Variants in HMGN2 observed in about 807,000 individuals in gnomAD.
The protein encoded by HMGN2 is non-histone chromosomal protein HMG-17.
HMGN2 carries 2 observed loss-of-function variants against 16.9 expected under a neutral mutation model. That is an observed-to-expected ratio of 0.12 (90% CI 0.05 to 0.37). The LOEUF is 0.37. Ranked by LOEUF, HMGN2 falls within the 10% of genes least tolerant of loss-of-function variation. The pLI is 1.00. For missense variants in HMGN2, 90 were observed against 106.0 expected, an observed-to-expected ratio of 0.85 and a Z score of 0.66; for synonymous variants, 31 against 34.9, an observed-to-expected ratio of 0.89 and a Z score of 0.39.
chr1:26,476,280 A>C lies in HMGN2; in HGVS notation c.*1132A>C, dbSNP rs1368108258. 1.3e-5 allele frequency among the ~76,000 whole-genome samples: 2 copies of C among 152,152 alleles called. No individual in the cohort carries two copies. Among genetic ancestry groups the C allele is most frequent in the Middle Eastern group, 3.2e-3 (1 of 316 alleles). On this transcript the variant is annotated 3_prime_UTR_variant, in exon 6 of 6. Transcript: ENST00000361427. ...TGTATTAAATGCAGATTTTTGGTAG[A>C]TCTGCGGTTTTGGCTGGGTAGCTGA...
chr1:26,473,671 C>T (rs369068206), intron 2 of HMGN2, 32 bp from the exon 3 acceptor site: 3 of 1,612,168 alleles, frequency 1.9e-6, no homozygotes, highest in Admixed American at 1.7e-5. Flanking sequence ...ACTTACCTGT[C>T]CTATTTCTAA....
rs1213879041 is a variant in HMGN2 at position 26,472,537 on chromosome 1, C to G, written c.-76C>G. 5 of 1,526,534 alleles carry G rather than the reference C, an allele frequency of 3.3e-6. No homozygotes were observed. In the East Asian group the frequency reaches 7.4e-5, roughly 22 times the overall value. The allele number at this position is 1,526,534 out of a possible 1,614,324, so 94.6% of individuals were successfully genotyped here. ...TGTGAAGAAGAGGCGAGAACGACCC[C>G]CGGACCGACCAAAGCCCGCGCGCCG... On this transcript the variant is annotated 5_prime_UTR_variant, in exon 1 of 6. Transcript: ENST00000361427.
chr1:26,473,829 G>C lies in HMGN2; in HGVS notation c.90+97G>C, dbSNP rs1350152270. The C allele has an allele frequency of 2.1e-5, 27 of 1,281,802 alleles. No individual in the cohort carries two copies. In the Admixed American group the frequency reaches 2.5e-4, roughly 12 times the overall value. 79.4% of individuals were successfully genotyped at this position (1,281,802 alleles called of 1,614,324 possible). A position where few individuals can be genotyped will look rare whatever the true frequency, so the allele number is the denominator to read the frequency against. On this transcript the variant is annotated intron_variant, in intron 3 of 5. Coordinates refer to ENST00000361427, the MANE Select transcript of HMGN2 (RefSeq NM_005517.4). Reference sequence around the variant, plus strand: ...TTCCATGAATTATGGTTAGTGCCTGGTTTTGAATCATTGCCTCTACTTGGG... The same window carrying C: ...TTCCATGAATTATGGTTAGTGCCTGCTTTTGAATCATTGCCTCTACTTGGG...
Position 26,476,034 on chromosome 1 carries a change from G to A in HMGN2, c.*886G>A. 1 of 270,982 alleles carries A rather than the reference G, an allele frequency of 3.7e-6. No individual in the cohort carries two copies. Among genetic ancestry groups the A allele is most frequent in the South Asian group, 3.5e-5 (1 of 28,866 alleles). The allele number at this position is 270,982 out of a possible 1,614,324, so 16.8% of individuals were successfully genotyped here. On this transcript the variant is annotated 3_prime_UTR_variant, in exon 6 of 6. Coordinates refer to ENST00000361427, the MANE Select transcript of HMGN2 (RefSeq NM_005517.4). Reference sequence around the variant, plus strand: ...TGGTTTATCCAAGTCTCTTGGAACAGGGTACGTTCTGCTTTGAGGTACTCC... The same window carrying A: ...TGGTTTATCCAAGTCTCTTGGAACAAGGTACGTTCTGCTTTGAGGTACTCC...
rs564166439 is a variant in HMGN2, at chr1:26,475,882, G to A, written c.*734G>A. ...GGGAGTTTGAAAGTTGTTGTATACT[G>A]TTAACGATTGTCTGCCCATGTCCTG... On this transcript the variant is annotated 3_prime_UTR_variant, in exon 6 of 6. Coordinates refer to ENST00000361427, the MANE Select transcript of HMGN2 (RefSeq NM_005517.4). The A allele has an allele frequency of 9.1e-4, 236 of 258,222 alleles. 4 individuals carry two copies. The highest frequency in any genetic ancestry group is 3.0e-3 in the Middle Eastern group (2 of 668). 16.0% of individuals were successfully genotyped at this position (258,222 alleles called of 1,614,324 possible). A position where few individuals can be genotyped will look rare whatever the true frequency, so the allele number is the denominator to read the frequency against.
rs2075599332 is a variant in HMGN2, at chr1:26,475,114, C to T, written c.239C>T (p.Ala80Val). The T allele has an allele frequency of 6.2e-7, 1 of 1,610,318 alleles. No individual in the cohort carries two copies. The highest frequency in any genetic ancestry group is 8.5e-7 in the Non-Finnish European group (1 of 1,177,050). ...AENGDAKTDQ[A>V]QKAEGAGDAK ...ATTAATTTGTCTGTTTTCTTTTAGG[C>T]ACAGAAAGCTGAAGGTGCTGGAGAT... is the stretch of plus-strand genomic sequence containing the variant. The change falls in exon 6 of 6, where the codon GCA (alanine) becomes GTA (valine). Residue 80 changes from alanine (A) to valine (V), a missense_variant and splice_region_variant. Physicochemically the swap from Ala to Val is moderately conservative, Grantham distance 64 (BLOSUM62 0). Transcript: ENST00000361427.
At chr1:26,472,716 C>T in intron 1 of HMGN2, 89 bp downstream of exon 1, 2 of 1,226,892 alleles carry the variant, frequency 1.6e-6, no homozygotes, top group Middle Eastern at 2.8e-4. Context: ...GAATCGGCGC[C>T]GAGCAGGAGC....
intron 4 of HMGN2, 104 bp downstream of exon 4, chr1:26,474,239 C>A: frequency 1.2e-6 from 1 of 807,774 alleles, no homozygotes; most frequent in Non-Finnish European, 2.0e-6. Context: ...AGGTTATAAA[C>A]TGTGTGGATA....
intron 3 of HMGN2, 131 bp from the exon 4 acceptor site, chr1:26,473,954 A>C: frequency 2.4e-6 from 2 of 837,526 alleles, no homozygotes; most frequent in South Asian, 3.4e-5. Flanking sequence ...TTCTAGAAGA[A>C]AGCCAACCAC....
chr1:26,472,539 G>T lies in HMGN2; in HGVS notation c.-74G>T. 2 of 1,527,188 alleles carry T rather than the reference G, an allele frequency of 1.3e-6. No individual in the cohort carries two copies. Among genetic ancestry groups the T allele is most frequent in the Middle Eastern group, 2.3e-4 (1 of 4,388 alleles). 94.6% of individuals were successfully genotyped at this position (1,527,188 alleles called of 1,614,324 possible). A position where few individuals can be genotyped will look rare whatever the true frequency, so the allele number is the denominator to read the frequency against. On this transcript the variant is annotated 5_prime_UTR_variant, in exon 1 of 6. Transcript: ENST00000361427. The stretch of plus-strand genomic sequence containing the variant: ...TGAAGAAGAGGCGAGAACGACCCCC[G>T]GACCGACCAAAGCCCGCGCGCCGCT...
In HMGN2 at chr1:26,472,666, GCCGCCA is replaced by G. The variant is rs750887593; in HGVS notation, c.15+45_15+50del. On this transcript the variant is annotated intron_variant, in intron 1 of 5. Coordinates refer to ENST00000361427, the MANE Select transcript of HMGN2 (RefSeq NM_005517.4). ...GGGCCCCAGGCGCCGGGCCACCACTGCCGCCACCGCCGCCGCCGCCTCCCTGGTGCA... is the reference window on the plus strand; with the variant it reads ...GGGCCCCAGGCGCCGGGCCACCACTGCCGCCGCCGCCGCCTCCCTGGTGCA... 3 of 1,483,752 alleles carry G rather than the reference GCCGCCA, an allele frequency of 2.0e-6. No homozygotes were observed. In the East Asian group the frequency reaches 7.5e-5, roughly 37 times the overall value. The allele number at this position is 1,483,752 out of a possible 1,614,324, so 91.9% of individuals were successfully genotyped here. A position where few individuals can be genotyped will look rare whatever the true frequency, so the allele number is the denominator to read the frequency against.
At chr1:26,473,370 C>G in intron 1 of HMGN2, 113 bp from the exon 2 acceptor site, 1 of 767,380 alleles carries the variant, frequency 1.3e-6, no homozygotes, top group South Asian at 1.6e-5. Flanking sequence ...CATTTATGTC[C>G]TAGAAAAGTT....
Position 26,472,607 on chromosome 1 carries a change from G to T in HMGN2, c.-6G>T. On this transcript the variant is annotated 5_prime_UTR_variant, in exon 1 of 6. Transcript: ENST00000361427. ...CCTACGTCCCGCTGCCGTCGCCGCCGCCACCATGCCCAAGAGAAAGGTACG... is the reference window on the plus strand; with the variant it reads ...CCTACGTCCCGCTGCCGTCGCCGCCTCCACCATGCCCAAGAGAAAGGTACG... The T allele has an allele frequency of 6.5e-7, 1 of 1,534,422 alleles. No individual in the cohort carries two copies. The highest frequency in any genetic ancestry group is 1.2e-5 in the South Asian group (1 of 84,142).
chr1:26,474,675 T>C lies in HMGN2; in HGVS notation c.237+8T>C. The C allele has an allele frequency of 3.0e-6, 4 of 1,317,050 alleles. No individual in the cohort carries two copies. Among genetic ancestry groups the C allele is most frequent in the Non-Finnish European group, 4.4e-6 (4 of 911,964 alleles). 81.6% of individuals were successfully genotyped at this position (1,317,050 alleles called of 1,614,324 possible). ...GATGCCAAAACAGACCAGGTATAACTGCTGTTTCACCCTTTGTTAGATTTG... is the reference window on the plus strand; with the variant it reads ...GATGCCAAAACAGACCAGGTATAACCGCTGTTTCACCCTTTGTTAGATTTG... On this transcript the variant is annotated splice_region_variant and intron_variant, in intron 5 of 5. Transcript: ENST00000361427.
Position 26,472,472 on chromosome 1 carries a change from G to A in HMGN2, c.-141G>A. On this transcript the variant is annotated 5_prime_UTR_variant, in exon 1 of 6. Transcript: ENST00000361427. ...GGTTCTAACCGGTCCGGGGCTCCCAGCGCTATAAAAACTTTATAAACCCCC... is the reference window on the plus strand; with the variant it reads ...GGTTCTAACCGGTCCGGGGCTCCCAACGCTATAAAAACTTTATAAACCCCC... 1 of 1,030,688 alleles carries A rather than the reference G, an allele frequency of 9.7e-7. No homozygotes were observed. Among genetic ancestry groups the A allele is most frequent in the Non-Finnish European group, 1.4e-6 (1 of 696,188 alleles). The allele number at this position is 1,030,688 out of a possible 1,614,324, so 63.8% of individuals were successfully genotyped here.
chr1:26,473,231 C>T (rs1410019196), intron 1 of HMGN2: 6 of 526,120 alleles, frequency 1.1e-5, no homozygotes, highest in East Asian at 9.9e-5. Flanking sequence ...AGCTGTTGCT[C>T]CTGCCTGTCG....
intron 4 of HMGN2, 96 bp from the exon 5 acceptor site, chr1:26,474,476 C>T: frequency 2.9e-6 from 2 of 692,288 alleles, no homozygotes; most frequent in Non-Finnish European, 5.3e-6. Context: ...TGTGTTTTAT[C>T]TTGAGTAAAC....
At chr1:26,473,913 G>A in intron 3 of HMGN2, 172 bp from the exon 4 acceptor site, 1 of 788,146 alleles carries the variant, frequency 1.3e-6, no homozygotes, top group Non-Finnish European at 2.1e-6. Flanking sequence ...GCCAAAGTGG[G>A]ACATTTGAGT....
rs1399590725 is a variant in HMGN2 at position 26,473,522 on chromosome 1, G to A, written c.55G>A (p.Asp19Asn). ...TAAGGGAGATAAAGCAAAGGTGAAG[G>A]ACGAAGTAAGTCATTCTCTCTTCAA... ...DAKGDKAKVK[D>N]EPQRRSARLS... Residue 19 changes from aspartate to asparagine, a missense_variant, in exon 2 of 6, where the codon GAC (aspartate) becomes AAC (asparagine). Asp to Asn is a conservative substitution (Grantham distance 23, BLOSUM62 1). Transcript: ENST00000361427. 3.1e-6 allele frequency: 5 copies of A among 1,612,598 alleles called. No individual in the cohort carries two copies. The highest frequency in any genetic ancestry group is 4.2e-6 in the Non-Finnish European group (5 of 1,178,742).
Sources: gnomAD v4.1 joint callset for allele counts (sites outside exome capture counted in the v4.1 genomes callset) on GRCh38, gnomAD v4.1.1 for gene constraint, MANE v1.5 for transcripts, NCBI Gene and HGNC (gene_info 2026-07-23, HGNC 2026-07-21) for gene names.